Variants in MVK observed in about 807,000 individuals in gnomAD.
The protein encoded by MVK is mevalonate kinase, also known as LH receptor mRNA-binding protein.
MVK carries 34 observed loss-of-function variants against 43.2 expected under a neutral mutation model. The ratio of observed to expected loss-of-function variants is 0.79; its 90% CI spans 0.60 to 1.05. MVK has a LOEUF of 1.05. Ranked by LOEUF, MVK falls within the 50% of genes least tolerant of loss-of-function variation. MVK has a pLI of 0.00. For missense variants in MVK, 395 were observed against 504.0 expected (o/e 0.78, Z 2.07); for synonymous variants, 190 against 219.8 (o/e 0.86, Z 1.20).
chr12:109,580,322 C>CA (rs1885163506), intron 4 of MVK, among the ~76,000 whole-genome samples: 1 of 152,176 alleles, frequency 6.6e-6, no homozygotes, highest in Non-Finnish European at 1.5e-5. Context: ...AGGCTGGTCT[C>CA]AAACTCCTGG....
At position 109,579,247 on chromosome 12, in the gene MVK, C is replaced by T; in HGVS notation, c.227-555C>T. On this transcript the variant is annotated intron_variant, in intron 3 of 10. Transcript: ENST00000228510. ...TTCAACCTCCTGGGCTCAAGCGATC[C>T]TCCTGCCTCAGCCTTCTGAGTAGCT... 4.5e-6 allele frequency: 2 copies of T among 441,322 alleles called. 1 individual carries two copies. The highest frequency in any genetic ancestry group is 3.2e-5 in the South Asian group (2 of 62,364). The allele number at this position is 441,322 out of a possible 1,614,324, so 27.3% of individuals were successfully genotyped here.
At chr12:109,581,894 C>T (rs1433841373) in intron 5 of MVK, among the ~76,000 whole-genome samples, 2 of 152,244 alleles carry the variant, frequency 1.3e-5, no homozygotes, top group African/African-American at 4.8e-5. Flanking sequence ...CCTCCCACCT[C>T]TGCATTGACT....
Position 109,586,705 on chromosome 12 carries a change from G to T in MVK, c.632-49G>T, listed in dbSNP as rs200202986. On this transcript the variant is annotated intron_variant, in intron 6 of 10. Transcript: ENST00000228510. ...TTCAACCTCTCTCCCAAGTAGCACA[G>T]ATATGTTAGCTTTTCCCACAGCTCT... The T allele has an allele frequency of 8.7e-6, 14 of 1,606,672 alleles. No individual in the cohort carries two copies. The Admixed American group carries it at 2.3e-4, about 27-fold the overall frequency.
At chr12:109,591,496 A>G in intron 9 of MVK, 139 bp downstream of exon 9, 1 of 788,410 alleles carries the variant, frequency 1.3e-6, no homozygotes, top group East Asian at 2.7e-5. Context: ...CTATGCTCTC[A>G]GCTGGGCCCA....
chr12:109,594,547 T>C (rs1474098653), intron 9 of MVK, among the ~76,000 whole-genome samples: 2 of 152,228 alleles, frequency 1.3e-5, no homozygotes, highest in African/African-American at 4.8e-5. Context: ...CAGAGGTAAA[T>C]GGCTTCAGGT....
intron 2 of MVK, among the ~76,000 whole-genome samples, chr12:109,575,481 A>G (rs1265533865): frequency 6.6e-6 from 1 of 150,584 alleles, no homozygotes; most frequent in Non-Finnish European, 1.5e-5. Context: ...TCTTGCGATC[A>G]TGGCTCACTG....
Position 109,573,906 on chromosome 12 carries a change from C to T in MVK, c.-15+33C>T, listed in dbSNP as rs545242413. On this transcript the variant is annotated intron_variant, in intron 1 of 10. Transcript: ENST00000228510. ...GCCGGGGTCGGGCGGCCGGGCGGCGCGAGGTCCTAGACCCAGGACGACGCT... is the reference window on the plus strand; with the variant it reads ...GCCGGGGTCGGGCGGCCGGGCGGCGTGAGGTCCTAGACCCAGGACGACGCT... 1.3e-3 allele frequency: 245 copies of T among 191,740 alleles called. 6 individuals carry two copies. Among genetic ancestry groups the T allele is most frequent in the Non-Finnish European group, 4.7e-4 (45 of 96,024 alleles). 11.9% of individuals were successfully genotyped at this position (191,740 alleles called of 1,614,324 possible). A position where few individuals can be genotyped will look rare whatever the true frequency, so the allele number is the denominator to read the frequency against.
rs898026991 is a variant in MVK, at chr12:109,575,923, C to G, written c.79-75C>G. On this transcript the variant is annotated intron_variant, in intron 2 of 10. Coordinates refer to ENST00000228510, the MANE Select transcript of MVK (RefSeq NM_000431.4). ...AGTGGCCTCTGTGCTTATGTTTGCT[C>G]TCTTCTTAGCACGTGGGTCCTGGCC... 4 of 1,573,626 alleles carry G rather than the reference C, an allele frequency of 2.5e-6. No individual in the cohort carries two copies. The African/African-American group carries it at 4.0e-5, about 16-fold the overall frequency.
At chr12:109,579,735 T>C in intron 3 of MVK, 67 bp from the exon 4 acceptor site, 1 of 1,596,714 alleles carries the variant, frequency 6.3e-7, no homozygotes, top group Middle Eastern at 1.7e-4. Context: ...TTTTCTGTGT[T>C]CTGTTGTTTA....
Position 109,591,247 on chromosome 12 carries a change from G to A in MVK, c.775G>A (p.Glu259Lys), listed in dbSNP as rs1885663402. The stretch of plus-strand genomic sequence containing the variant: ...TCCTTCTTTTTTTCTCCAGTTCCCA[G>A]AGATCGTGGCCCCCCTCCTGACCTC... ...GVRNRLLKFPEIVAPLLTSID... is the reference protein window; with the variant it reads ...GVRNRLLKFPKIVAPLLTSID... The change falls in exon 9 of 11, where the codon GAG becomes AAG. Residue 259 changes from glutamate to lysine, a missense_variant. Coordinates refer to ENST00000228510, the MANE Select transcript of MVK (RefSeq NM_000431.4). 1 of 1,614,186 alleles carries A rather than the reference G, an allele frequency of 6.2e-7. No homozygotes were observed. Among genetic ancestry groups the A allele is most frequent in the Non-Finnish European group, 8.5e-7 (1 of 1,180,034 alleles).
At chr12:109,573,494 T>G (rs1317185417), upstream of MVK, 2 of 1,591,490 alleles carry the variant, frequency 1.3e-6, no homozygotes, top group Middle Eastern at 1.9e-4. Context: ...CCAGGCTGCT[T>G]GACGGGACCT....
intron 5 of MVK, among the ~76,000 whole-genome samples, chr12:109,585,153 G>A (rs1344248234): frequency 6.6e-6 from 1 of 152,246 alleles, no homozygotes; most frequent in Non-Finnish European, 1.5e-5. Context: ...GTGCTTGGGA[G>A]AGATCCAGAC....
chr12:109,573,290 C>T, upstream of MVK: 2 of 1,608,014 alleles, frequency 1.2e-6, no homozygotes, highest in African/African-American at 1.3e-5. Flanking sequence ...GTACCCATGG[C>T]GACGACACCA....
In MVK at chr12:109,581,293, G is replaced by A. The variant is rs550754015; in HGVS notation, c.372-102G>A. On this transcript the variant is annotated intron_variant, in intron 4 of 10. Coordinates refer to ENST00000228510, the MANE Select transcript of MVK (RefSeq NM_000431.4). Reference sequence around the variant, plus strand: ...GAATTCTCCCCCAGTTGAGAAAACTGGACCAGATGCTTGGAGTCAGGCCTG... The same window carrying A: ...GAATTCTCCCCCAGTTGAGAAAACTAGACCAGATGCTTGGAGTCAGGCCTG... 5 of 1,480,312 alleles carry A rather than the reference G, an allele frequency of 3.4e-6. No homozygotes were observed. The East Asian group carries it at 1.1e-4, about 33-fold the overall frequency. The allele number at this position is 1,480,312 out of a possible 1,614,324, so 91.7% of individuals were successfully genotyped here.
chr12:109,589,062 A>C (rs1885563785), intron 7 of MVK: 1 of 152,548 alleles, frequency 6.6e-6, no homozygotes, highest in Non-Finnish European at 1.5e-5. Context: ...GCCGTGTGAC[A>C]CAGTAGCTGG....
At chr12:109,574,769 T>G in intron 1 of MVK, 40 bp from the exon 2 acceptor site, 1 of 1,488,364 alleles carries the variant, frequency 6.7e-7, no homozygotes, top group South Asian at 1.2e-5. Flanking sequence ...GGTTCTGACA[T>G]CTAGAGATCT....
rs1485917542 is a variant in MVK at position 109,579,245 on chromosome 12, T to A, written c.227-557T>A. 2.0e-5 allele frequency: 9 copies of A among 441,706 alleles called. No individual in the cohort carries two copies. In the Admixed American group the frequency reaches 2.2e-4, roughly 11 times the overall value. 27.4% of individuals were successfully genotyped at this position (441,706 alleles called of 1,614,324 possible). A position where few individuals can be genotyped will look rare whatever the true frequency, so the allele number is the denominator to read the frequency against. On this transcript the variant is annotated intron_variant, in intron 3 of 10. Transcript: ENST00000228510. Reference sequence around the variant, plus strand: ...TCTTCAACCTCCTGGGCTCAAGCGATCCTCCTGCCTCAGCCTTCTGAGTAG... The same window carrying A: ...TCTTCAACCTCCTGGGCTCAAGCGAACCTCCTGCCTCAGCCTTCTGAGTAG...
chr12:109,591,979 C>T (rs1320931032), intron 9 of MVK, among the ~76,000 whole-genome samples: 1 of 152,168 alleles, frequency 6.6e-6, no homozygotes, highest in African/African-American at 2.4e-5. Context: ...GGCGCAGTGG[C>T]TCACCTGTAG....
upstream of MVK, chr12:109,573,705 G>A: frequency 3.2e-6 from 2 of 617,850 alleles, no homozygotes; most frequent in South Asian, 3.7e-5. Context: ...ATTGACCAAT[G>A]TTCAAGCCTA....
Sources: gnomAD v4.1 joint callset for allele counts (sites outside exome capture counted in the v4.1 genomes callset) on GRCh38, gnomAD v4.1.1 for gene constraint, MANE v1.5 for transcripts, NCBI Gene and HGNC (gene_info 2026-07-23, HGNC 2026-07-21) for gene names.